Variants in TTYH2 observed in about 807,000 individuals in gnomAD.
TTYH2 encodes protein tweety homolog 2.
TTYH2 carries 49 observed loss-of-function variants against 68.3 expected under a neutral mutation model. The observed-to-expected ratio is 0.72, with a 90% CI of 0.57 to 0.91. The LOEUF is 0.91. Ranked by LOEUF, TTYH2 falls within the 40% of genes least tolerant of loss-of-function variation. The pLI is 0.00. For missense variants in TTYH2, 631 were observed against 700.4 expected (o/e 0.90, Z 1.12); for synonymous variants, 272 against 300.8 (o/e 0.90, Z 0.99).
In TTYH2 at chr17:74,261,864, C is replaced by A. The variant is rs1409606732; in HGVS notation, c.*1655C>A. Reference sequence around the variant, plus strand: ...GGAACTCTGCGACGTCAAAGTGTTGCTTCTTAAAGTTTCATTATTGGCAAC... The same window carrying A: ...GGAACTCTGCGACGTCAAAGTGTTGATTCTTAAAGTTTCATTATTGGCAAC... On this transcript the variant is annotated 3_prime_UTR_variant, in exon 14 of 14. Coordinates refer to ENST00000269346, the MANE Select transcript of TTYH2 (RefSeq NM_032646.6). 6.6e-6 allele frequency: 1 copy of A among 152,410 alleles called. No individual in the cohort carries two copies. Among genetic ancestry groups the A allele is most frequent in the African/African-American group, 2.4e-5 (1 of 41,442 alleles). 9.4% of individuals were successfully genotyped at this position (152,410 alleles called of 1,614,324 possible).
chr17:74,249,538 G>C (rs2050596687), intron 8 of TTYH2, 139 bp downstream of exon 8: 4 of 909,722 alleles, frequency 4.4e-6, no homozygotes, highest in East Asian at 4.9e-5. Flanking sequence ...GCTTCTGTGA[G>C]GGGGGCGTGC....
chr17:74,248,810 G>A, intron 6 of TTYH2: 1 of 1,423,074 alleles, frequency 7.0e-7, no homozygotes, highest in Non-Finnish European at 9.2e-7. Flanking sequence ...CGGGGCACAG[G>A]AAGAATAAGT....
rs2050233319 is a variant in TTYH2, at chr17:74,217,594, C to T, written c.129+3878C>T. 3.3e-5 allele frequency among the ~76,000 whole-genome samples: 5 copies of T among 152,170 alleles called. No homozygotes were observed. The South Asian group carries it at 6.2e-4, about 19-fold the overall frequency. ...AGTCACGGTCATCAGACAGTCATGCCGCGCCTGGGAGAGGGCTTAATCTTT... is the reference window on the plus strand; with the variant it reads ...AGTCACGGTCATCAGACAGTCATGCTGCGCCTGGGAGAGGGCTTAATCTTT... On this transcript the variant is annotated intron_variant, in intron 1 of 13. Transcript: ENST00000269346. This position sits in a 1 kb window ranked among gnomAD's most constrained non-coding sequence, Gnocchi z 4.0.
Position 74,260,319 on chromosome 17 carries a change from TCC to T in TTYH2, c.*111_*112del. 2 of 1,148,092 alleles carry T rather than the reference TCC, an allele frequency of 1.7e-6. No individual in the cohort carries two copies. Among genetic ancestry groups the T allele is most frequent in the Non-Finnish European group, 2.6e-6 (2 of 780,050 alleles). 71.1% of individuals were successfully genotyped at this position (1,148,092 alleles called of 1,614,324 possible). A position where few individuals can be genotyped will look rare whatever the true frequency, so the allele number is the denominator to read the frequency against. ...AAAGGCATCTGGAGCCCGAGAGGCC[TCC>T]TGCTGTGGCAGAGGAGCAGCTGGGA... is the stretch of plus-strand genomic sequence containing the variant. On this transcript the variant is annotated 3_prime_UTR_variant, in exon 14 of 14. Coordinates refer to ENST00000269346, the MANE Select transcript of TTYH2 (RefSeq NM_032646.6).
intron 1 of TTYH2, among the ~76,000 whole-genome samples, chr17:74,220,013 C>CT (rs151193448): frequency 0.048 from 6,914 of 144,620 alleles, 397 homozygotes; most frequent in African/African-American, 0.13. Context: ...GGTTGGGTTA[C>CT]TTTTTTTTTA....
Position 74,232,267 on chromosome 17 carries a change from G to T in TTYH2, c.414+1268G>T, listed in dbSNP as rs749858487. 2.0e-5 allele frequency among the ~76,000 whole-genome samples: 3 copies of T among 152,182 alleles called. No homozygotes were observed. Among genetic ancestry groups the T allele is most frequent in the Non-Finnish European group, 4.4e-5 (3 of 68,036 alleles). Reference sequence around the variant, plus strand: ...TCAGTCAACAAGGGGGGTCGGGGGTGTCACCTTAAAGAGACAGCTGTGCTG... The same window carrying T: ...TCAGTCAACAAGGGGGGTCGGGGGTTTCACCTTAAAGAGACAGCTGTGCTG... On this transcript the variant is annotated intron_variant, in intron 3 of 13. Transcript: ENST00000269346. This position sits in a 1 kb window ranked among gnomAD's most constrained non-coding sequence, Gnocchi z 5.1.
At chr17:74,230,867 T>G (rs370712318) in intron 2 of TTYH2, 21 bp from the exon 3 acceptor site, 6 of 1,612,800 alleles carry the variant, frequency 3.7e-6, no homozygotes, top group Non-Finnish European at 5.1e-6. Context: ...CTCTAACCTC[T>G]GTTTGGGATC....
At chr17:74,227,856 G>A (rs1489451555) in intron 2 of TTYH2, among the ~76,000 whole-genome samples, 2 of 151,648 alleles carry the variant, frequency 1.3e-5, no homozygotes, top group African/African-American at 2.4e-5. Context: ...GGAATGGGCC[G>A]GGCTGCTTAT....
At chr17:74,234,026 C>T (rs1598220443) in intron 3 of TTYH2, among the ~76,000 whole-genome samples, 1 of 152,188 alleles carries the variant, frequency 6.6e-6, no homozygotes, top group African/African-American at 2.4e-5. Context: ...GGCCCATCCA[C>T]ACTTCCAGAT....
intron 2 of TTYH2, among the ~76,000 whole-genome samples, chr17:74,229,549 G>A (rs888200508): frequency 3.9e-5 from 6 of 151,974 alleles, no homozygotes; most frequent in African/African-American, 1.5e-4. Flanking sequence ...CTCAGCTCAA[G>A]TCAAAAACCT....
rs2050210894 is a variant in TTYH2, at chr17:74,215,208, C to T, written c.129+1492C>T. Among the ~76,000 whole-genome samples, 2 of 140,950 alleles carry T rather than the reference C, an allele frequency of 1.4e-5. No individual in the cohort carries two copies. Among genetic ancestry groups the T allele is most frequent in the Admixed American group, 6.8e-5 (1 of 14,684 alleles). 92.5% of individuals were successfully genotyped at this position (140,950 alleles called of 152,430 possible). On this transcript the variant is annotated intron_variant, in intron 1 of 13. Transcript: ENST00000269346. This position sits in a 1 kb window ranked among gnomAD's most constrained non-coding sequence, Gnocchi z 4.3. ...GTGTGTGTGTGTGTGTGTGTGTCCCCATCCCAAACCCTGTGCCCCACATCC... is the reference window on the plus strand; with the variant it reads ...GTGTGTGTGTGTGTGTGTGTGTCCCTATCCCAAACCCTGTGCCCCACATCC...
chr17:74,226,892 C>A (rs566324639), intron 2 of TTYH2, among the ~76,000 whole-genome samples: 2 of 152,234 alleles, frequency 1.3e-5, no homozygotes, highest in South Asian at 2.1e-4. Flanking sequence ...ATCAATGACC[C>A]CAGGAGAGAC....
At chr17:74,220,252 G>C (rs2050262854) in intron 1 of TTYH2, among the ~76,000 whole-genome samples, 1 of 152,222 alleles carries the variant, frequency 6.6e-6, no homozygotes, top group African/African-American at 2.4e-5. Context: ...TCCTCACTCA[G>C]ATGGAGCTCT....
rs770693467 is a variant in TTYH2 at position 74,249,979 on chromosome 17, A to G, written c.974A>G (p.Gln325Arg). 2 of 1,614,098 alleles carry G rather than the reference A, an allele frequency of 1.2e-6. No homozygotes were observed. ...CGCGCACTTACCACCATGCAGATCC[A>G]GGTCGCGGGGCTGCTGCAGTTTGCC... ...FQRALTTMQI[Q>R]VAGLLQFAVP... Residue 325 changes from glutamine (Q) to arginine (R), a missense_variant, in exon 9 of 14, where the codon CAG becomes CGG. By Grantham distance (43) the Gln-to-Arg change is conservative. Coordinates refer to ENST00000269346, the MANE Select transcript of TTYH2 (RefSeq NM_032646.6).
intron 3 of TTYH2, 26 bp from the exon 4 acceptor site, chr17:74,237,268 G>T: frequency 1.2e-6 from 2 of 1,610,376 alleles, no homozygotes; most frequent in Non-Finnish European, 1.7e-6. Context: ...CTACCTCCAT[G>T]GCTTTTGCCC....
rs116044153 is a variant in TTYH2 at position 74,233,979 on chromosome 17, A to C, written c.414+2980A>C. On this transcript the variant is annotated intron_variant, in intron 3 of 13. Transcript: ENST00000269346. ...TGTTTCAGAGCAGAAACCAGAACCC[A>C]GGCCTCCTGGTCTTAGCCCCTTACC... Among the ~76,000 whole-genome samples, 1,255 of 152,264 alleles carry C rather than the reference A, an allele frequency of 8.2e-3. 12 individuals are homozygous for C. Among genetic ancestry groups the C allele is most frequent in the African/African-American group, 0.018 (760 of 41,542 alleles).
At chr17:74,249,188 A>C in intron 7 of TTYH2, 108 bp downstream of exon 7, 1 of 1,572,480 alleles carries the variant, frequency 6.4e-7, no homozygotes, top group Non-Finnish European at 8.7e-7. Context: ...CTCAACCCTG[A>C]ACTTCAAGTC....
At chr17:74,243,039 G>A (rs552971512) in intron 4 of TTYH2, among the ~76,000 whole-genome samples, 36 of 152,176 alleles carry the variant, frequency 2.4e-4, no homozygotes, top group Non-Finnish European at 4.0e-4. Context: ...TCAAGTTCTC[G>A]GTAGCCACCT....
chr17:74,243,961 C>T lies in TTYH2; in HGVS notation c.732-16C>T. Reference sequence around the variant, plus strand: ...GGGACCCCGCCTGCCAACGTTGTCGCCTGCCTCTCTCCTAGGATGCTGTGC... The same window carrying T: ...GGGACCCCGCCTGCCAACGTTGTCGTCTGCCTCTCTCCTAGGATGCTGTGC... On this transcript the variant is annotated splice_polypyrimidine_tract_variant and intron_variant, in intron 5 of 13. Transcript: ENST00000269346. 1 of 1,609,944 alleles carries T rather than the reference C, an allele frequency of 6.2e-7. No individual in the cohort carries two copies. Among genetic ancestry groups the T allele is most frequent in the Non-Finnish European group, 8.5e-7 (1 of 1,179,366 alleles).
Sources: gnomAD v4.1 joint callset for allele counts (sites outside exome capture counted in the v4.1 genomes callset) on GRCh38, gnomAD v4.1.1 for gene constraint, Gnocchi (gnomAD v3.1) non-coding constraint, MANE v1.5 for transcripts, NCBI Gene and HGNC (gene_info 2026-07-23, HGNC 2026-07-21) for gene names.